PTPRD: variants seen among roughly 807,000 people sequenced by gnomAD.
The protein encoded by PTPRD is receptor-type tyrosine-protein phosphatase delta.
In PTPRD, 34 loss-of-function variants were observed where a neutral mutation model predicts 214.5. That is an observed-to-expected ratio of 0.16 (90% CI 0.12 to 0.21). PTPRD has a LOEUF of 0.21. Among genes scored for constraint, PTPRD ranks in the 10% least tolerant of loss-of-function variants. PTPRD has a pLI of 1.00. For missense variants in PTPRD, 2,545 were observed against 2,398.7 expected (o/e 1.06, Z -1.27); for synonymous variants, 1,128 against 845.7 (o/e 1.33, Z -5.79).
At chr9:10,452,415 G>C (rs969579271) in intron 2 of PTPRD, among the ~76,000 whole-genome samples, 1 of 151,108 alleles carries the variant, frequency 6.6e-6, no homozygotes, top group African/African-American at 2.4e-5. Context: ...TTTCCATAAT[G>C]GCTATACCAA....
intron 5 of PTPRD, among the ~76,000 whole-genome samples, chr9:9,832,428 A>G (rs1001788085): frequency 2.0e-5 from 3 of 152,052 alleles, no homozygotes; most frequent in Non-Finnish European, 2.9e-5. Flanking sequence ...TTACTGATGG[A>G]CTATGTAACA....
At chr9:8,750,035 G>C (rs979364226) in intron 11 of PTPRD, among the ~76,000 whole-genome samples, 5 of 151,922 alleles carry the variant, frequency 3.3e-5, no homozygotes, top group African/African-American at 4.8e-5. Flanking sequence ...CCCAGAGGCG[G>C]AGGTTGCAGT....
intron 5 of PTPRD, among the ~76,000 whole-genome samples, chr9:9,813,085 G>T (rs1032001292): frequency 1.3e-5 from 2 of 151,958 alleles, no homozygotes; most frequent in African/African-American, 4.8e-5. Context: ...AAATCAAAAA[G>T]TATAAGGAGA....
intron 8 of PTPRD, among the ~76,000 whole-genome samples, chr9:9,554,405 TA>T (rs2081027318): frequency 7.7e-6 from 1 of 130,156 alleles, no homozygotes; most frequent in Non-Finnish European, 1.7e-5. Flanking sequence ...GGTCCTGTTT[TA>T]TTTTTTTTTT....
intron 12 of PTPRD, among the ~76,000 whole-genome samples, chr9:8,649,047 G>C (rs888040080): frequency 1.9e-4 from 29 of 152,184 alleles, no homozygotes; most frequent in Non-Finnish European, 4.3e-4. Flanking sequence ...GAACATGAGA[G>C]CGGATAAAAC....
intron 9 of PTPRD, among the ~76,000 whole-genome samples, chr9:9,279,679 A>G (rs991825111): frequency 6.6e-6 from 1 of 150,800 alleles, no homozygotes; most frequent in African/African-American, 2.4e-5. Flanking sequence ...AAACTTAATT[A>G]TTAATATTTT....
At chr9:9,274,587 A>T (rs559487489) in intron 9 of PTPRD, among the ~76,000 whole-genome samples, 9 of 150,982 alleles carry the variant, frequency 6.0e-5, no homozygotes, top group African/African-American at 2.2e-4. Flanking sequence ...AATTTGGAGA[A>T]CTCCCAAAAA....
intron 11 of PTPRD, among the ~76,000 whole-genome samples, chr9:8,935,156 G>C (rs1346336368): frequency 6.6e-6 from 1 of 152,116 alleles, no homozygotes; most frequent in Non-Finnish European, 1.5e-5. Flanking sequence ...AAAGGAAGAA[G>C]TAAAATTGCC....
rs570803595 is a variant in PTPRD at position 8,465,438 on chromosome 9, G to T, written c.3714+28C>A. The T allele has an allele frequency of 6.3e-6, 10 of 1,594,412 alleles. No individual in the cohort carries two copies. In the South Asian group the frequency reaches 1.0e-4, roughly 16 times the overall value. On this transcript the variant is annotated intron_variant, in intron 32 of 45. Transcript: ENST00000381196. ...GTGAAAATGTATAAGCGTACCATAG[G>T]AAACAGATGCCATCATAATTAACTT...
At chr9:8,726,043 AC>A (rs199981998) in intron 12 of PTPRD, among the ~76,000 whole-genome samples, 211 of 133,308 alleles carry the variant, frequency 1.6e-3, no homozygotes, top group Admixed American at 4.4e-3. Flanking sequence ...ACACACACAC[AC>A]ACACACACAC....
intron 6 of PTPRD, among the ~76,000 whole-genome samples, chr9:9,740,909 G>C (rs1340890663): frequency 6.6e-6 from 1 of 152,116 alleles, no homozygotes; most frequent in Non-Finnish European, 1.5e-5. Context: ...CAACAACATA[G>C]ATGGTAGTAT....
intron 11 of PTPRD, among the ~76,000 whole-genome samples, chr9:8,821,981 A>G (rs962562980): frequency 2.6e-5 from 4 of 152,170 alleles, no homozygotes; most frequent in Admixed American, 1.3e-4. Context: ...ACTCTTTAAC[A>G]AGGCAAAAGT....
intron 10 of PTPRD, among the ~76,000 whole-genome samples, chr9:9,173,508 C>G (rs561721598): frequency 4.4e-4 from 67 of 152,178 alleles, no homozygotes; most frequent in Admixed American, 5.2e-4. Context: ...CTAATTATAG[C>G]CTACCAGTGT....
chr9:9,310,309 C>T (rs1180577236), intron 9 of PTPRD, among the ~76,000 whole-genome samples: 1 of 152,070 alleles, frequency 6.6e-6, no homozygotes, highest in Non-Finnish European at 1.5e-5. Context: ...AGACACACAC[C>T]TTGCAGTGCT....
At chr9:10,000,504 A>C (rs1279855879) in intron 4 of PTPRD, among the ~76,000 whole-genome samples, 1 of 152,136 alleles carries the variant, frequency 6.6e-6, no homozygotes, top group African/African-American at 2.4e-5. Flanking sequence ...GCCCCTTTTC[A>C]TCAGGAAGTA....
chr9:8,823,903 C>T (rs1475101122), intron 11 of PTPRD, among the ~76,000 whole-genome samples: 1 of 152,016 alleles, frequency 6.6e-6, no homozygotes, highest in Non-Finnish European at 1.5e-5. Context: ...TGCTGGTTGC[C>T]CATTTTTATG....
intron 2 of PTPRD, among the ~76,000 whole-genome samples, chr9:10,552,644 G>C (rs2061591999): frequency 6.6e-6 from 1 of 151,986 alleles, no homozygotes; most frequent in African/African-American, 2.4e-5. Context: ...CTTCCATTCT[G>C]TTGTCAAAAA....
chr9:8,770,787 C>T (rs1015769309), intron 11 of PTPRD, among the ~76,000 whole-genome samples: 6 of 151,384 alleles, frequency 4.0e-5, no homozygotes, highest in Non-Finnish European at 8.8e-5. Flanking sequence ...AATATTCAAA[C>T]TCAATTGAAA....
intron 5 of PTPRD, among the ~76,000 whole-genome samples, chr9:9,813,265 C>G (rs1217106908): frequency 1.3e-5 from 2 of 151,748 alleles, no homozygotes; most frequent in East Asian, 3.8e-4. Flanking sequence ...ACTAAATAAA[C>G]CCAGAATTAG....
Sources: allele counts gnomAD v4.1 joint callset (sites outside exome capture counted in the v4.1 genomes callset), GRCh38; gene constraint gnomAD v4.1.1; transcripts MANE v1.5; gene names NCBI Gene and HGNC (gene_info 2026-07-23, HGNC 2026-07-21).